RGL1: variants seen among roughly 807,000 people sequenced by gnomAD.
RGL1 encodes the protein ral guanine nucleotide dissociation stimulator-like 1.
RGL1 carries 24 observed loss-of-function variants against 95.2 expected under a neutral mutation model. The observed-to-expected ratio is 0.25, with a 90% confidence interval of 0.18 to 0.35. RGL1 has a LOEUF of 0.35. Among genes scored for constraint, RGL1 ranks in the 10% least tolerant of loss-of-function variants. The pLI is 1.00. For synonymous variants in RGL1, 329 were observed against 344.9 expected (o/e 0.95, Z 0.51); for missense variants, 715 against 936.3 (o/e 0.76, Z 3.08).
chr1:183,662,446 G>A (rs950065410), intron 1 of RGL1, among the ~76,000 whole-genome samples: 1,886 of 151,964 alleles, frequency 0.012, 47 homozygotes, highest in African/African-American at 0.044. Flanking sequence ...AATCTTGAGT[G>A]AACTCCCATT....
chr1:183,795,644 T>C (rs1336871014), intron 2 of RGL1, among the ~76,000 whole-genome samples: 3 of 152,214 alleles, frequency 2.0e-5, no homozygotes, highest in Non-Finnish European at 4.4e-5. Flanking sequence ...CTGTGGCATA[T>C]GAAAAGGCTT....
intron 1 of RGL1, among the ~76,000 whole-genome samples, chr1:183,659,077 CAAAAGTAG>C (rs1558138519): frequency 1.3e-5 from 2 of 151,598 alleles, no homozygotes; most frequent in Non-Finnish European, 2.9e-5. Context: ...CATCAAAGAC[CAAAAGTAG>C]ATAAAACCAC....
intron 2 of RGL1, among the ~76,000 whole-genome samples, chr1:183,790,923 T>TACACACACAC (rs66642623): frequency 1.7e-4 from 26 of 150,242 alleles, no homozygotes; most frequent in Admixed American, 1.5e-3. Context: ...CATGTATGTG[T>TACACACACAC]ACACACACAC....
At chr1:183,705,274 G>A (rs1046737975) in intron 1 of RGL1, among the ~76,000 whole-genome samples, 5 of 152,128 alleles carry the variant, frequency 3.3e-5, no homozygotes, top group African/African-American at 1.2e-4. Flanking sequence ...CATCGGTTGT[G>A]AGCCCTCGGG....
chr1:183,858,096 A>G (rs141506868), intron 3 of RGL1, among the ~76,000 whole-genome samples: 17 of 152,286 alleles, frequency 1.1e-4, no homozygotes, highest in South Asian at 2.1e-4. Context: ...AAAATTGCCC[A>G]GCAGGTTTTT....
At chr1:183,887,946 C>T (rs568617584) in intron 7 of RGL1, among the ~76,000 whole-genome samples, 11 of 152,210 alleles carry the variant, frequency 7.2e-5, no homozygotes, top group South Asian at 6.2e-4. Flanking sequence ...ATAAAAATAT[C>T]CCCCCTTGGC....
intron 1 of RGL1, among the ~76,000 whole-genome samples, chr1:183,691,293 A>G (rs767572180): frequency 5.3e-5 from 8 of 152,316 alleles, no homozygotes; most frequent in Middle Eastern, 3.4e-3. Context: ...TCTTTGGGCC[A>G]TTGCCAACTA....
intron 2 of RGL1, among the ~76,000 whole-genome samples, chr1:183,837,936 CAGG>C (rs1468775684): frequency 1.3e-5 from 2 of 152,178 alleles, no homozygotes; most frequent in Admixed American, 1.3e-4. Flanking sequence ...GCTGATCTGA[CAGG>C]AGGTGGAGCT....
intron 16 of RGL1, 80 bp downstream of exon 16, chr1:183,916,781 C>T (rs773719296): frequency 1.6e-5 from 23 of 1,481,550 alleles, no homozygotes; most frequent in Non-Finnish European, 9.1e-7. Flanking sequence ...AGACTAATAG[C>T]CCTAAATATG....
At chr1:183,800,270 A>T (rs1228169931), upstream of RGL1, among the ~76,000 whole-genome samples, 1 of 152,234 alleles carries the variant, frequency 6.6e-6, no homozygotes, top group Non-Finnish European at 1.5e-5. Flanking sequence ...TAAATAAATG[A>T]ATGAATGGGG....
intron 13 of RGL1, among the ~76,000 whole-genome samples, chr1:183,905,486 T>A (rs890756794): frequency 2.0e-5 from 3 of 152,158 alleles, no homozygotes; most frequent in African/African-American, 7.2e-5. Context: ...TATAAAGGCA[T>A]TAATATTTAG....
intron 1 of RGL1, chr1:183,653,264 G>A (rs1650902334): frequency 6.6e-6 from 1 of 152,234 alleles, no homozygotes. Context: ...GAACTTTGCT[G>A]TTCCAAGTTA....
chr1:183,685,187 G>A (rs1653497385), intron 1 of RGL1, among the ~76,000 whole-genome samples: 1 of 151,882 alleles, frequency 6.6e-6, no homozygotes, highest in Non-Finnish European at 1.5e-5. Context: ...ATGCTTAAAC[G>A]TTCTTTAACT....
At chr1:183,922,178 A>G (rs1255607831) in intron 16 of RGL1, 44 bp from the exon 17 acceptor site, 1 of 1,513,262 alleles carries the variant, frequency 6.6e-7, no homozygotes, top group East Asian at 2.3e-5. Context: ...CCCTCAGGAA[A>G]CGTGAAGCTA....
chr1:183,648,132 C>A (rs764238942), intron 1 of RGL1: 1 of 1,614,152 alleles, frequency 6.2e-7, no homozygotes, highest in East Asian at 2.2e-5. Context: ...CAGTGCTCTC[C>A]CAGTTAAAAT....
At chr1:183,882,972 G>A (rs989278598) in intron 5 of RGL1, among the ~76,000 whole-genome samples, 3 of 152,190 alleles carry the variant, frequency 2.0e-5, no homozygotes, top group Non-Finnish European at 4.4e-5. Context: ...AGTGTGAGGG[G>A]TGTGAAGGGG....
chr1:183,750,419 T>C (rs1203083747), intron 2 of RGL1, among the ~76,000 whole-genome samples: 1 of 152,254 alleles, frequency 6.6e-6, no homozygotes. Flanking sequence ...TCAGGTCATT[T>C]ATGTTCTTCT....
intron 1 of RGL1, among the ~76,000 whole-genome samples, chr1:183,649,498 GT>G (rs1024374074): frequency 5.9e-5 from 9 of 151,856 alleles, no homozygotes; most frequent in African/African-American, 1.9e-4. Flanking sequence ...AGGTTTTTGG[GT>G]TTTTTTTGAG....
intron 1 of RGL1, chr1:183,742,050 A>T: frequency 8.3e-7 from 1 of 1,205,948 alleles, no homozygotes; most frequent in South Asian, 1.5e-5. Flanking sequence ...GAAGTCAAGC[A>T]TGATAATTTG....
Sources: gnomAD v4.1 joint callset for allele counts (sites outside exome capture counted in the v4.1 genomes callset) on GRCh38, gnomAD v4.1.1 for gene constraint, MANE v1.5 for transcripts, NCBI Gene and HGNC (gene_info 2026-07-23, HGNC 2026-07-21) for gene names.